CDS1: variants seen among roughly 807,000 people sequenced by gnomAD.
CDS1 encodes phosphatidate cytidylyltransferase 1.
A neutral mutation model predicts 62.1 loss-of-function variants in CDS1; 41 were observed. The observed-to-expected ratio is 0.66, with a 90% CI of 0.51 to 0.86. CDS1 has a LOEUF of 0.86. Among genes scored for constraint, CDS1 ranks in the 40% least tolerant of loss-of-function variants. The pLI is 0.00. For synonymous variants in CDS1, 185 were observed against 192.6 expected, an observed-to-expected ratio of 0.96 and a Z score of 0.32; for missense variants, 470 against 550.1, an observed-to-expected ratio of 0.85 and a Z score of 1.46.
intron 1 of CDS1, among the ~76,000 whole-genome samples, chr4:84,593,980 A>C (rs986792997): frequency 7.9e-5 from 12 of 152,176 alleles, no homozygotes; most frequent in African/African-American, 2.7e-4. Flanking sequence ...GCTCCCAGGC[A>C]CGGGTGTGGG....
At chr4:84,644,470 A>G (rs1217945331) in intron 11 of CDS1, among the ~76,000 whole-genome samples, 1 of 152,222 alleles carries the variant, frequency 6.6e-6, no homozygotes, top group Admixed American at 6.5e-5. Context: ...ATTTTCTTTA[A>G]TGGTCTCCAA....
chr4:84,593,940 G>A (rs182820542), intron 1 of CDS1, among the ~76,000 whole-genome samples: 189 of 152,292 alleles, frequency 1.2e-3, no homozygotes, highest in Non-Finnish European at 1.9e-3. Flanking sequence ...GTGAGGCAGC[G>A]AGTCTGAAAC....
chr4:84,599,705 C>T (rs1191237569), intron 1 of CDS1, among the ~76,000 whole-genome samples: 1 of 151,848 alleles, frequency 6.6e-6, no homozygotes, highest in African/African-American at 2.4e-5. Flanking sequence ...TGAGATTCAT[C>T]CATGTATCAA....
At chr4:84,615,146 A>G (rs1398894616) in intron 3 of CDS1, among the ~76,000 whole-genome samples, 2 of 152,048 alleles carry the variant, frequency 1.3e-5, no homozygotes, top group African/African-American at 4.8e-5. Flanking sequence ...CATATTGTCT[A>G]CTTTCCCAAG....
At chr4:84,632,747 G>C (rs902109524) in intron 6 of CDS1, among the ~76,000 whole-genome samples, 3 of 152,176 alleles carry the variant, frequency 2.0e-5, no homozygotes, top group Non-Finnish European at 2.9e-5. Flanking sequence ...AAGAGAATTG[G>C]ATCTTTCAAG....
In CDS1 at chr4:84,625,956, T is replaced by C. The variant is rs189955844; in HGVS notation, c.581-5863T>C. 3.0e-4 allele frequency among the ~76,000 whole-genome samples: 45 copies of C among 151,570 alleles called. 1 individual carries two copies. In the East Asian group the frequency reaches 8.4e-3, roughly 28 times the overall value. ...GCTGAGGTGGGTGGATCACGTGAGG[T>C]CAAGAGTTCAAGACCAGCCTGACCA... On this transcript the variant is annotated intron_variant, in intron 5 of 12. Transcript: ENST00000295887.
At chr4:84,601,885 C>T (rs776685877) in intron 1 of CDS1, among the ~76,000 whole-genome samples, 3 of 152,114 alleles carry the variant, frequency 2.0e-5, no homozygotes, top group Non-Finnish European at 4.4e-5. Context: ...TGCACTCCAG[C>T]CTGGGTGGCC....
At chr4:84,646,827 T>G (rs773418576) in intron 12 of CDS1, among the ~76,000 whole-genome samples, 9 of 152,314 alleles carry the variant, frequency 5.9e-5, no homozygotes, top group Non-Finnish European at 1.0e-4. Context: ...GTTTTTGTGT[T>G]TGTTTGGTCC....
chr4:84,624,277 A>G (rs927829273), intron 5 of CDS1, among the ~76,000 whole-genome samples: 1 of 135,376 alleles, frequency 7.4e-6, no homozygotes, highest in Non-Finnish European at 1.6e-5. Flanking sequence ...CTGTCTCAAA[A>G]AAAAAAAAAC....
At chr4:84,608,853 C>T (rs958962091) in intron 2 of CDS1, among the ~76,000 whole-genome samples, 6 of 152,006 alleles carry the variant, frequency 3.9e-5, no homozygotes, top group African/African-American at 9.7e-5. Context: ...CCTAACCTCA[C>T]GGTTTATTCC....
intron 1 of CDS1, among the ~76,000 whole-genome samples, chr4:84,591,230 C>T (rs991071189): frequency 6.6e-6 from 1 of 152,146 alleles, no homozygotes. Flanking sequence ...CCAGATAACA[C>T]AGATAAATAC....
chr4:84,636,220 C>T (rs1039538271), intron 8 of CDS1, among the ~76,000 whole-genome samples: 1 of 152,168 alleles, frequency 6.6e-6, no homozygotes. Context: ...TATAATACAC[C>T]TTCACATCCT....
At chr4:84,648,118 C>A (rs1374670903) in intron 12 of CDS1, among the ~76,000 whole-genome samples, 12 of 152,148 alleles carry the variant, frequency 7.9e-5, no homozygotes, top group Admixed American at 7.2e-4. Flanking sequence ...AACAAAATAC[C>A]TTTCATCATC....
chr4:84,601,769 C>T (rs1166015177), intron 1 of CDS1, among the ~76,000 whole-genome samples: 2 of 151,910 alleles, frequency 1.3e-5, no homozygotes, highest in African/African-American at 2.4e-5. Context: ...AAAAATTAGC[C>T]GGGCCTGGTG....
At chr4:84,601,943 A>G (rs1013979636) in intron 1 of CDS1, among the ~76,000 whole-genome samples, 15 of 152,050 alleles carry the variant, frequency 9.9e-5, no homozygotes, top group Admixed American at 9.8e-4. Flanking sequence ...GCATACATAC[A>G]TACATACATA....
chr4:84,635,699 C>CTT (rs1724185094), intron 8 of CDS1, among the ~76,000 whole-genome samples: 1 of 134,780 alleles, frequency 7.4e-6, no homozygotes, highest in Non-Finnish European at 1.6e-5. Context: ...TCCCTCCTTC[C>CTT]CTCCCTCCCT....
In CDS1 at chr4:84,650,771, AAAG is replaced by A. The variant is rs1724708897; in HGVS notation, c.*2086_*2088del. On this transcript the variant is annotated 3_prime_UTR_variant, in exon 13 of 13. Transcript: ENST00000295887. ...GAATGTACATTATCCTATATGTAAA[AAAG>A]CAAATTATTAATTTTAATGGAGCTC... 6.6e-6 allele frequency: 1 copy of A among 152,224 alleles called. No individual in the cohort carries two copies. The highest frequency in any genetic ancestry group is 1.5e-5 in the Non-Finnish European group (1 of 68,032). 9.4% of individuals were successfully genotyped at this position (152,224 alleles called of 1,614,324 possible). A position where few individuals can be genotyped will look rare whatever the true frequency, so the allele number is the denominator to read the frequency against.
intron 3 of CDS1, among the ~76,000 whole-genome samples, chr4:84,612,438 A>C (rs1165600292): frequency 6.6e-6 from 1 of 152,100 alleles, no homozygotes; most frequent in Non-Finnish European, 1.5e-5. Context: ...TTTTCTCCAA[A>C]CTGAACTGTT....
At chr4:84,613,670 A>G (rs1723401604) in intron 3 of CDS1, among the ~76,000 whole-genome samples, 1 of 152,298 alleles carries the variant, frequency 6.6e-6, no homozygotes, top group Admixed American at 6.5e-5. Flanking sequence ...TGGAATGCAT[A>G]CCCATGTTCC....
Sources: allele counts gnomAD v4.1 joint callset (sites outside exome capture counted in the v4.1 genomes callset), GRCh38; gene constraint gnomAD v4.1.1; transcripts MANE v1.5; gene names NCBI Gene and HGNC (gene_info 2026-07-23, HGNC 2026-07-21).